EFR3B: variants seen among roughly 807,000 people sequenced by gnomAD.
EFR3B encodes the protein protein EFR3 homolog B.
In EFR3B, 64 loss-of-function variants were observed where a neutral mutation model predicts 104.7. The observed-to-expected ratio is 0.61, with a 90% confidence interval of 0.50 to 0.75. The LOEUF (loss-of-function observed/expected upper bound fraction) is 0.75, where lower values mean the gene tolerates loss of function less well. Ranked by LOEUF, EFR3B falls within the 30% of genes least tolerant of loss-of-function variation. The probability of loss-of-function intolerance (pLI) is 0.00; values close to 1 mark genes in which losing one functional copy is unlikely to be tolerated. For synonymous variants in EFR3B, 385 were observed against 417.9 expected (o/e 0.92, Z 0.96); for missense variants, 750 against 1,078.5 (o/e 0.70, Z 4.27).
rs1223301734 is a variant in EFR3B, at chr2:25,149,979, C to T, written c.2191+237C>T. On this transcript the variant is annotated intron_variant, in intron 20 of 22. Coordinates refer to ENST00000403714, the MANE Select transcript of EFR3B (RefSeq NM_014971.2). ...CCTGTGTGGCCCACAGTGGGCAACGCTTTTGCCAGTAAAGACAGCTGCCTT... is the reference window on the plus strand; with the variant it reads ...CCTGTGTGGCCCACAGTGGGCAACGTTTTTGCCAGTAAAGACAGCTGCCTT... 3.9e-5 allele frequency among the ~76,000 whole-genome samples: 6 copies of T among 152,218 alleles called. No homozygotes were observed. The East Asian group carries it at 1.2e-3, about 29-fold the overall frequency.
intron 4 of EFR3B, among the ~76,000 whole-genome samples, chr2:25,107,211 G>A (rs1669588638): frequency 6.6e-6 from 1 of 152,120 alleles, no homozygotes; most frequent in Non-Finnish European, 1.5e-5. Flanking sequence ...GTGGCACCCA[G>A]CCTCTGTGCA....
At position 25,081,179 on chromosome 2, in the gene EFR3B, C is replaced by A. The variant is rs193169790; in HGVS notation, c.8-10146C>A. On this transcript the variant is annotated intron_variant, in intron 1 of 22. Coordinates refer to ENST00000403714, the MANE Select transcript of EFR3B (RefSeq NM_014971.2). ...CCTTTTCTCCCATTTGCTTGGTAAA[C>A]AACTTTTTCCCAATCATTTCTGAGG... The A allele has an allele frequency of 2.7e-5, 20 of 747,968 alleles. No individual in the cohort carries two copies. In the Admixed American group the frequency reaches 3.6e-4, roughly 13 times the overall value. 46.3% of individuals were successfully genotyped at this position (747,968 alleles called of 1,614,324 possible). A position where few individuals can be genotyped will look rare whatever the true frequency, so the allele number is the denominator to read the frequency against.
intron 1 of EFR3B, among the ~76,000 whole-genome samples, chr2:25,050,178 C>T (rs1338789222): frequency 1.3e-5 from 2 of 151,500 alleles, no homozygotes; most frequent in Non-Finnish European, 2.9e-5. Context: ...AAGGAGTTTT[C>T]ACTCATTCCT....
At chr2:25,128,960 CAAAAAAAAAAAAAAAAAAA>C (rs1170505822) in intron 6 of EFR3B, among the ~76,000 whole-genome samples, 82 of 26,682 alleles carry the variant, frequency 3.1e-3, no homozygotes, top group African/African-American at 5.8e-3. Context: ...GACTCCGTCT[CAAAAAAAAAAAAAAAAAAA>C]AAAAAAAAAA....
chr2:25,144,222 T>C lies in EFR3B; in HGVS notation c.2050+360T>C, dbSNP rs561758065. On this transcript the variant is annotated intron_variant, in intron 18 of 22. Transcript: ENST00000403714. Reference sequence around the variant, plus strand: ...AGTCCTTTGCATCCCTGAATTTCAGTTTCCTTGACTGTAAAACAGGAATTT... The same window carrying C: ...AGTCCTTTGCATCCCTGAATTTCAGCTTCCTTGACTGTAAAACAGGAATTT... 2.6e-5 allele frequency among the ~76,000 whole-genome samples: 4 copies of C among 152,312 alleles called. No individual in the cohort carries two copies. In the South Asian group the frequency reaches 6.2e-4, roughly 24 times the overall value.
Position 25,157,651 on chromosome 2 carries a change from A to G in EFR3B, c.*3311A>G, listed in dbSNP as rs1464532128. 6.6e-6 allele frequency: 1 copy of G among 152,286 alleles called. No homozygotes were observed. Among genetic ancestry groups the G allele is most frequent in the African/African-American group, 2.4e-5 (1 of 41,460 alleles). The allele number at this position is 152,286 out of a possible 1,614,324, so 9.4% of individuals were successfully genotyped here. ...GACAGCACTGAGTAGGCAGGAATGT[A>G]TTTGAGATTTGGAAGTACTGTTAAT... On this transcript the variant is annotated 3_prime_UTR_variant, in exon 23 of 23. Transcript: ENST00000403714.
chr2:25,047,597 C>T (rs1667758057), intron 1 of EFR3B, among the ~76,000 whole-genome samples: 1 of 151,978 alleles, frequency 6.6e-6, no homozygotes. Context: ...CTCCCAGGTT[C>T]AAGCAGTTCT....
chr2:25,151,473 C>G (rs1671007673), intron 20 of EFR3B, among the ~76,000 whole-genome samples: 1 of 152,158 alleles, frequency 6.6e-6, no homozygotes, highest in Admixed American at 6.5e-5. Flanking sequence ...CCAGGCTGGT[C>G]TCAAACTCCT....
chr2:25,137,864 T>C lies in EFR3B; in HGVS notation c.1722+362T>C, dbSNP rs904885082. On this transcript the variant is annotated intron_variant, in intron 15 of 22. Coordinates refer to ENST00000403714, the MANE Select transcript of EFR3B (RefSeq NM_014971.2). The surrounding 1 kb of genome is among the most constrained non-coding windows in gnomAD (Gnocchi z 4.7). ...CCTGAGTGATCCCAGACAAACTCAT[T>C]TGTCTAAAGATTCTCTGGTTCCCTT... Among the ~76,000 whole-genome samples the C allele has an allele frequency of 1.3e-5, 2 of 152,162 alleles. No individual in the cohort carries two copies. Among genetic ancestry groups the C allele is most frequent in the Non-Finnish European group, 2.9e-5 (2 of 68,036 alleles).
chr2:25,133,220 C>A (rs1002361530), intron 11 of EFR3B, among the ~76,000 whole-genome samples, 163 bp from the exon 12 acceptor site: 4 of 152,210 alleles, frequency 2.6e-5, no homozygotes, highest in Non-Finnish European at 5.9e-5. Context: ...GTGGGGGGAG[C>A]CAGTCATCTC....
rs563124031 is a variant in EFR3B, at chr2:25,130,225, C to T, written c.770+116C>T. ...GATATTACAGTTGTGGTGCCGCAGC[C>T]GAGTCGATCCCTTCCCTGTGCCTGT... On this transcript the variant is annotated intron_variant, in intron 7 of 22. Coordinates refer to ENST00000403714, the MANE Select transcript of EFR3B (RefSeq NM_014971.2). This position sits in a 1 kb window ranked among gnomAD's most constrained non-coding sequence, Gnocchi z 4.6. 1.4e-4 allele frequency: 196 copies of T among 1,435,660 alleles called. 1 individual carries two copies. The African/African-American group carries it at 1.8e-3, about 13-fold the overall frequency. The allele number at this position is 1,435,660 out of a possible 1,614,324, so 88.9% of individuals were successfully genotyped here. A position where few individuals can be genotyped will look rare whatever the true frequency, so the allele number is the denominator to read the frequency against.
intron 1 of EFR3B, among the ~76,000 whole-genome samples, chr2:25,077,908 G>A (rs905474911): frequency 6.6e-6 from 1 of 152,154 alleles, no homozygotes; most frequent in African/African-American, 2.4e-5. Context: ...CCATTGGAGG[G>A]TTGTTGATTT....
intron 1 of EFR3B, chr2:25,058,343 T>C (rs2149167558): frequency 6.6e-6 from 1 of 152,066 alleles, no homozygotes; most frequent in Non-Finnish European, 1.5e-5. Context: ...AAAAAAGAAG[T>C]GGCCAAGAAG....
chr2:25,107,978 C>T (rs907096337), intron 4 of EFR3B, among the ~76,000 whole-genome samples: 15 of 152,114 alleles, frequency 9.9e-5, no homozygotes, highest in Admixed American at 7.9e-4. Context: ...GGATTACAGG[C>T]GTGCACCACC....
Position 25,059,580 on chromosome 2 carries a change from G to A in EFR3B, c.7+17261G>A, listed in dbSNP as rs1009955656. ...GAGGTTACCAGGGACTGCGGGGGGG[G>A]GGGGGGTGGAGATTGGGGAATTGTT... On this transcript the variant is annotated intron_variant, in intron 1 of 22. Coordinates refer to ENST00000403714, the MANE Select transcript of EFR3B (RefSeq NM_014971.2). 8.9e-5 allele frequency among the ~76,000 whole-genome samples: 13 copies of A among 145,774 alleles called. No homozygotes were observed. The South Asian group carries it at 1.6e-3, about 18-fold the overall frequency.
At chr2:25,126,702 C>T (rs781039575) in intron 5 of EFR3B, among the ~76,000 whole-genome samples, 5 of 151,690 alleles carry the variant, frequency 3.3e-5, no homozygotes, top group Non-Finnish European at 7.4e-5. Context: ...TGCCATGTTG[C>T]CCAGGCTGGT....
intron 12 of EFR3B, among the ~76,000 whole-genome samples, chr2:25,133,695 T>G (rs965309407): frequency 6.6e-6 from 1 of 152,224 alleles, no homozygotes; most frequent in Non-Finnish European, 1.5e-5. Context: ...GATAGCGTTG[T>G]CACTCAGACG....
intron 5 of EFR3B, among the ~76,000 whole-genome samples, chr2:25,122,322 T>A (rs888906599): frequency 2.6e-5 from 4 of 152,164 alleles, no homozygotes; most frequent in Non-Finnish European, 5.9e-5. Flanking sequence ...GGGCTCAATG[T>A]AAGATAACAG....
intron 19 of EFR3B, among the ~76,000 whole-genome samples, chr2:25,149,147 G>T (rs1247037213): frequency 6.6e-6 from 1 of 151,774 alleles, no homozygotes; most frequent in East Asian, 1.9e-4. Flanking sequence ...TCAGGAGTTC[G>T]GGACCAGCCT....
Sources: gnomAD v4.1 joint callset for allele counts (sites outside exome capture counted in the v4.1 genomes callset) on GRCh38, gnomAD v4.1.1 for gene constraint, Gnocchi (gnomAD v3.1) non-coding constraint, MANE v1.5 for transcripts, NCBI Gene and HGNC (gene_info 2026-07-23, HGNC 2026-07-21) for gene names.